Variants in AGBL1 observed in about 807,000 individuals in gnomAD.
AGBL1 encodes the protein AGBL carboxypeptidase 1, also known as cytosolic carboxypeptidase 4.
In AGBL1, 130 loss-of-function variants were observed where a neutral mutation model predicts 118.9. The ratio of observed to expected loss-of-function variants is 1.09; its 90% CI spans 0.95 to 1.26. AGBL1 has a LOEUF of 1.26. AGBL1 is among the 50% of genes most tolerant of loss of function. AGBL1 has a pLI of 0.00. For synonymous variants in AGBL1, 555 were observed against 478.9 expected (o/e 1.16, Z -2.08); for missense variants, 1,584 against 1,298.1 (o/e 1.22, Z -3.38).
rs1396610041 is a variant in AGBL1, at chr15:86,730,288, G to C, written c.3158+55852G>C. On this transcript the variant is annotated intron_variant, in intron 22 of 22. Transcript: ENST00000614907. ...GACCTAATTAAACTAAAGAGCCTCT[G>C]CATAGCAAGAGAAACTATCAACAGA... is the stretch of plus-strand genomic sequence containing the variant. Among the ~76,000 whole-genome samples, 3 of 152,244 alleles carry C rather than the reference G, an allele frequency of 2.0e-5. No homozygotes were observed. The East Asian group carries it at 5.8e-4, about 29-fold the overall frequency.
chr15:86,325,614 G>A (rs1398718577), intron 17 of AGBL1, among the ~76,000 whole-genome samples: 1 of 152,164 alleles, frequency 6.6e-6, no homozygotes, highest in African/African-American at 2.4e-5. Context: ...ATATCACCGA[G>A]TGGGCCAGCT....
chr15:86,460,531 A>G (rs2142084419), intron 18 of AGBL1, among the ~76,000 whole-genome samples: 1 of 151,248 alleles, frequency 6.6e-6, no homozygotes, highest in South Asian at 2.1e-4. Context: ...AATAACAACA[A>G]CAACAAAAAC....
chr15:86,312,246 A>G (rs2079932145), intron 17 of AGBL1: 1 of 152,234 alleles, frequency 6.6e-6, no homozygotes, highest in South Asian at 2.1e-4. Context: ...TGATGTGGCA[A>G]TTTCCAATTT....
At chr15:86,644,725 G>C (rs900474670) in intron 21 of AGBL1, among the ~76,000 whole-genome samples, 1 of 152,010 alleles carries the variant, frequency 6.6e-6, no homozygotes, top group African/African-American at 2.4e-5. Context: ...AGGAGACGTG[G>C]CTGGGCGTGG....
downstream of AGBL1, among the ~76,000 whole-genome samples, chr15:87,030,346 G>A (rs1050761401): frequency 1.9e-4 from 29 of 151,946 alleles, no homozygotes; most frequent in South Asian, 4.1e-4. Context: ...ATACCCAATC[G>A]TTTTAAGAAC....
intron 18 of AGBL1, among the ~76,000 whole-genome samples, chr15:86,457,177 T>A (rs1450968336): frequency 1.3e-5 from 2 of 152,208 alleles, no homozygotes; most frequent in East Asian, 1.9e-4. Flanking sequence ...TCTATGTTTT[T>A]AAAATTTATT....
intron 21 of AGBL1, among the ~76,000 whole-genome samples, chr15:86,572,004 A>G (rs1232962839): frequency 6.6e-6 from 1 of 152,116 alleles, no homozygotes; most frequent in African/African-American, 2.4e-5. Flanking sequence ...TTGGTGCACA[A>G]AGTCCTGAGG....
intron 5 of AGBL1, among the ~76,000 whole-genome samples, chr15:86,180,783 A>G (rs879898111): frequency 6.6e-6 from 1 of 152,164 alleles, no homozygotes; most frequent in African/African-American, 2.4e-5. Flanking sequence ...CTTGTAAAAA[A>G]GTTTTATTCT....
chr15:86,528,154 C>T (rs950414823), intron 19 of AGBL1, among the ~76,000 whole-genome samples: 25 of 152,108 alleles, frequency 1.6e-4, no homozygotes, highest in African/African-American at 5.8e-4. Flanking sequence ...CCAGCGTGAG[C>T]GACGCAGAAG....
At chr15:86,839,036 G>A (rs1281155549) in intron 22 of AGBL1, among the ~76,000 whole-genome samples, 2 of 150,170 alleles carry the variant, frequency 1.3e-5, no homozygotes, top group Non-Finnish European at 3.0e-5. Context: ...TCTTCTTCCA[G>A]GAGAACCTAC....
In AGBL1 at chr15:86,097,834, C is replaced by T. The variant is rs554438520; in HGVS notation, c.51+17811C>T. Among the ~76,000 whole-genome samples, 81 of 152,210 alleles carry T rather than the reference C, an allele frequency of 5.3e-4. 1 individual carries two copies. Among genetic ancestry groups the T allele is most frequent in the Non-Finnish European group, 1.0e-4 (7 of 67,984 alleles). ...ATTTTCTTTACTTTGGATAAATACT[C>T]AGTGGTAGAATTGCTGGATCATATG... is the stretch of plus-strand genomic sequence containing the variant. On this transcript the variant is annotated intron_variant, in intron 1 of 22. Transcript: ENST00000614907.
chr15:86,331,422 G>T (rs1180194769), intron 17 of AGBL1, among the ~76,000 whole-genome samples: 1 of 152,032 alleles, frequency 6.6e-6, no homozygotes, highest in African/African-American at 2.4e-5. Flanking sequence ...TACTTAGAGA[G>T]GTAAGCCTCC....
At chr15:86,696,615 C>T (rs1295595474) in intron 22 of AGBL1, among the ~76,000 whole-genome samples, 1 of 151,736 alleles carries the variant, frequency 6.6e-6, no homozygotes, top group Non-Finnish European at 1.5e-5. Context: ...ATGTGAGGTA[C>T]TATTCCGTTC....
chr15:86,785,036 C>A (rs1206495649), intron 22 of AGBL1, among the ~76,000 whole-genome samples: 1 of 152,118 alleles, frequency 6.6e-6, no homozygotes, highest in Non-Finnish European at 1.5e-5. Flanking sequence ...GAAGGCTGTA[C>A]TTTCTCGGGC....
At chr15:86,279,439 A>T (rs2079311098) in intron 15 of AGBL1, among the ~76,000 whole-genome samples, 200 bp from the exon 16 acceptor site, 2 of 152,208 alleles carry the variant, frequency 1.3e-5, no homozygotes, top group Non-Finnish European at 2.9e-5. Context: ...CATGTTGCTG[A>T]ACTGACTCAT....
chr15:86,774,241 C>T (rs1245800662), intron 22 of AGBL1, among the ~76,000 whole-genome samples: 1 of 152,086 alleles, frequency 6.6e-6, no homozygotes, highest in African/African-American at 2.4e-5. Context: ...CAGATCAACA[C>T]AGTCCTTAAA....
At chr15:86,228,462 A>G (rs1176261921) in intron 6 of AGBL1, among the ~76,000 whole-genome samples, 1 of 152,156 alleles carries the variant, frequency 6.6e-6, no homozygotes, top group Non-Finnish European at 1.5e-5. Flanking sequence ...TCTCTGATCT[A>G]AGTAAAGCCA....
At chr15:86,795,319 G>A (rs966615006) in intron 22 of AGBL1, among the ~76,000 whole-genome samples, 5 of 152,078 alleles carry the variant, frequency 3.3e-5, no homozygotes, top group East Asian at 1.9e-4. Context: ...TCTGACAGCC[G>A]ATCTTTTATA....
intron 22 of AGBL1, among the ~76,000 whole-genome samples, chr15:86,750,376 T>G (rs2077831377): frequency 6.6e-6 from 1 of 152,034 alleles, no homozygotes; most frequent in Admixed American, 6.6e-5. Context: ...TAATTGACAT[T>G]TTATTTTTCA....
Sources: gnomAD v4.1 joint callset for allele counts (sites outside exome capture counted in the v4.1 genomes callset) on GRCh38, gnomAD v4.1.1 for gene constraint, MANE v1.5 for transcripts, NCBI Gene and HGNC (gene_info 2026-07-23, HGNC 2026-07-21) for gene names.